LRRC4C: variants seen among roughly 807,000 people sequenced by gnomAD.
The protein encoded by LRRC4C is leucine rich repeat containing 4C.
In LRRC4C, 5 loss-of-function variants were observed where a neutral mutation model predicts 33.6. That is an observed-to-expected ratio of 0.15 (90% CI 0.08 to 0.31). The LOEUF (loss-of-function observed/expected upper bound fraction) is 0.31. Among genes scored for constraint, LRRC4C ranks in the 10% least tolerant of loss-of-function variants. The probability of loss-of-function intolerance (pLI) is 1.00; values close to 1 mark genes in which losing one functional copy is unlikely to be tolerated. For missense variants in LRRC4C, 560 were observed against 796.7 expected, an observed-to-expected ratio of 0.70 and a Z score of 3.58; for synonymous variants, 329 against 302.0, an observed-to-expected ratio of 1.09 and a Z score of -0.93.
intron 2 of LRRC4C, among the ~76,000 whole-genome samples, chr11:40,758,149 A>G (rs902700576): frequency 6.6e-6 from 1 of 152,034 alleles, no homozygotes; most frequent in African/African-American, 2.4e-5. Flanking sequence ...TTTCCTGGGC[A>G]TCTTTTGTAT....
chr11:40,172,826 C>T (rs1160015750), intron 5 of LRRC4C, among the ~76,000 whole-genome samples: 1 of 152,028 alleles, frequency 6.6e-6, no homozygotes, highest in Non-Finnish European at 1.5e-5. Context: ...AGCCTTAAGT[C>T]CCAGGGCCTC....
At chr11:40,447,850 T>C (rs1477374913) in intron 3 of LRRC4C, among the ~76,000 whole-genome samples, 4 of 152,212 alleles carry the variant, frequency 2.6e-5, no homozygotes, top group African/African-American at 4.8e-5. Flanking sequence ...TGAGTCTCGC[T>C]CTGTTGCCCA....
intron 2 of LRRC4C, among the ~76,000 whole-genome samples, chr11:40,726,482 C>A (rs1025841116): frequency 2.0e-5 from 3 of 152,108 alleles, no homozygotes; most frequent in Non-Finnish European, 4.4e-5. Context: ...TCCTGGGAAG[C>A]AAGATTGGTT....
intron 4 of LRRC4C, among the ~76,000 whole-genome samples, chr11:40,256,709 C>G (rs1318388850): frequency 2.0e-5 from 3 of 152,124 alleles, no homozygotes; most frequent in Non-Finnish European, 4.4e-5. Flanking sequence ...TTAATGAATA[C>G]TAAATGATGT....
intron 2 of LRRC4C, among the ~76,000 whole-genome samples, chr11:40,815,653 G>A (rs1452748227): frequency 6.6e-6 from 1 of 152,002 alleles, no homozygotes; most frequent in Non-Finnish European, 1.5e-5. Context: ...TATGGCATAT[G>A]TCCTTCCCAA....
intron 2 of LRRC4C, among the ~76,000 whole-genome samples, chr11:40,925,461 T>C (rs1170993480): frequency 1.3e-5 from 2 of 152,168 alleles, no homozygotes; most frequent in African/African-American, 4.8e-5. Flanking sequence ...GAAAGAACAA[T>C]GGGCTTGTTA....
rs578253587 is a variant in LRRC4C at position 40,385,822 on chromosome 11, G to A, written c.-269-66101C>T. On this transcript the variant is annotated intron_variant, in intron 3 of 6. Transcript: ENST00000528697. ...GTGGAGGTTTCAGTGAGCCGAGATCGTGCCATTGTACTCCAGCCTGGCAAC... is the reference window on the plus strand; with the variant it reads ...GTGGAGGTTTCAGTGAGCCGAGATCATGCCATTGTACTCCAGCCTGGCAAC... Among the ~76,000 whole-genome samples the A allele has an allele frequency of 2.6e-5, 4 of 151,332 alleles. No homozygotes were observed. The South Asian group carries it at 6.3e-4, about 24-fold the overall frequency.
chr11:40,163,597 A>C (rs543529957), intron 5 of LRRC4C, among the ~76,000 whole-genome samples: 1 of 152,276 alleles, frequency 6.6e-6, no homozygotes, highest in Non-Finnish European at 1.5e-5. Flanking sequence ...ATATATTGTT[A>C]TGTATGAATT....
intron 3 of LRRC4C, among the ~76,000 whole-genome samples, chr11:40,498,048 T>C (rs1954561236): frequency 6.6e-6 from 1 of 152,200 alleles, no homozygotes; most frequent in Non-Finnish European, 1.5e-5. Flanking sequence ...ATTACATTTA[T>C]CTACATAATT....
chr11:40,773,296 T>A (rs1286644471), intron 2 of LRRC4C, among the ~76,000 whole-genome samples: 2 of 152,070 alleles, frequency 1.3e-5, no homozygotes, highest in Non-Finnish European at 2.9e-5. Flanking sequence ...TTTTGTACCA[T>A]AATAAGGTGA....
At chr11:40,807,668 C>A (rs970057276) in intron 2 of LRRC4C, among the ~76,000 whole-genome samples, 2 of 152,218 alleles carry the variant, frequency 1.3e-5, no homozygotes, top group Non-Finnish European at 2.9e-5. Flanking sequence ...TTGCAGTTTT[C>A]TGCACGGATT....
intron 2 of LRRC4C, among the ~76,000 whole-genome samples, chr11:40,808,562 C>G (rs1951348179): frequency 6.6e-6 from 1 of 152,130 alleles, no homozygotes; most frequent in Non-Finnish European, 1.5e-5. Context: ...AGGGTGCTCT[C>G]TGTCTCCCCT....
intron 1 of LRRC4C, among the ~76,000 whole-genome samples, chr11:40,963,499 A>T (rs988595300): frequency 6.6e-6 from 1 of 151,756 alleles, no homozygotes; most frequent in East Asian, 1.9e-4. Flanking sequence ...AGAGGAGATG[A>T]GCTTTGAATT....
At chr11:40,915,296 T>C (rs1483820109) in intron 2 of LRRC4C, among the ~76,000 whole-genome samples, 1 of 152,104 alleles carries the variant, frequency 6.6e-6, no homozygotes, top group Non-Finnish European at 1.5e-5. Context: ...CTTCAAACTA[T>C]ACTACAAGGC....
intron 1 of LRRC4C, among the ~76,000 whole-genome samples, chr11:40,981,217 C>T (rs1032726244): frequency 1.3e-5 from 2 of 152,028 alleles, no homozygotes; most frequent in Non-Finnish European, 2.9e-5. Context: ...AGATGGAGAC[C>T]ATCCTGGCCA....
chr11:40,548,215 G>A (rs796162159), intron 3 of LRRC4C, among the ~76,000 whole-genome samples: 28 of 152,154 alleles, frequency 1.8e-4, no homozygotes, highest in African/African-American at 6.0e-4. Flanking sequence ...GTTGAGGATT[G>A]TGCTTTCCCA....
intron 1 of LRRC4C, among the ~76,000 whole-genome samples, chr11:41,300,535 G>A (rs1002239358): frequency 6.6e-6 from 1 of 152,216 alleles, no homozygotes; most frequent in South Asian, 2.1e-4. Flanking sequence ...CAATGATGTG[G>A]GAATGTCGTG....
At chr11:40,483,793 GTATATA>G (rs1953714329) in intron 3 of LRRC4C, among the ~76,000 whole-genome samples, 1 of 149,766 alleles carries the variant, frequency 6.7e-6, no homozygotes, top group African/African-American at 2.4e-5. Flanking sequence ...GTATATATAT[GTATATA>G]TATGTATATG....
intron 3 of LRRC4C, among the ~76,000 whole-genome samples, chr11:40,532,488 T>C (rs1437260459): frequency 6.6e-6 from 1 of 151,870 alleles, no homozygotes; most frequent in Non-Finnish European, 1.5e-5. Context: ...ATCAATCATA[T>C]GATAATTACA....
Sources: allele counts gnomAD v4.1 joint callset (sites outside exome capture counted in the v4.1 genomes callset), GRCh38; gene constraint gnomAD v4.1.1; transcripts MANE v1.5; gene names NCBI Gene and HGNC (gene_info 2026-07-23, HGNC 2026-07-21).